The following KATNAL2 variants were observed in gnomAD, a reference collection of about 807,000 sequenced individuals.
KATNAL2 encodes katanin p60 ATPase-containing subunit A-like 2.
A neutral mutation model predicts 76.3 loss-of-function variants in KATNAL2; 52 were observed. The observed-to-expected ratio is 0.68, with a 90% confidence interval of 0.55 to 0.86. KATNAL2 has a LOEUF of 0.86. Among genes scored for constraint, KATNAL2 ranks in the 40% least tolerant of loss-of-function variants. KATNAL2 has a pLI of 0.00. For synonymous variants in KATNAL2, 243 were observed against 244.2 expected, an observed-to-expected ratio of 1.00 and a Z score of 0.05; for missense variants, 660 against 668.9, an observed-to-expected ratio of 0.99 and a Z score of 0.15.
At chr18:47,046,393 T>G in intron 3 of KATNAL2, 64 bp from the exon 4 acceptor site, 1 of 1,093,824 alleles carries the variant, frequency 9.1e-7, no homozygotes, top group Middle Eastern at 2.0e-4. Context: ...CCTTCCAGGG[T>G]TTATTGCCGT....
chr18:47,084,986 T>A (rs1435909645), intron 15 of KATNAL2, among the ~76,000 whole-genome samples: 1 of 150,880 alleles, frequency 6.6e-6, no homozygotes, highest in Non-Finnish European at 1.5e-5. Context: ...GCTCTGTAGG[T>A]CACCTTCAGG....
In KATNAL2 at chr18:47,066,847, TTATATATATATATATATATATATA is replaced by T. The variant is rs56018747; in HGVS notation, c.727-151_727-128del. Among the ~76,000 whole-genome samples the T allele has an allele frequency of 3.7e-3, 108 of 29,588 alleles. 5 individuals are homozygous for T. In the East Asian group the frequency reaches 0.05, roughly 14 times the overall value. The allele number at this position is 29,588 out of a possible 152,430, so 19.4% of individuals were successfully genotyped here. On this transcript the variant is annotated intron_variant, in intron 10 of 17. Transcript: ENST00000683218. Reference sequence around the variant, plus strand: ...CCAAAATTACAATGTATATATGTGTTTATATATATATATATATATATATATATATATATATATATATATATAATA... The same window carrying T: ...CCAAAATTACAATGTATATATGTGTTTATATATATATATATATATATAATA...
intron 15 of KATNAL2, among the ~76,000 whole-genome samples, chr18:47,081,890 C>G (rs749449632): frequency 2.6e-5 from 4 of 152,124 alleles, no homozygotes; most frequent in Non-Finnish European, 4.4e-5. Flanking sequence ...TTTGATTAGA[C>G]AGAGCTAGGA....
intron 6 of KATNAL2, among the ~76,000 whole-genome samples, chr18:47,056,889 A>G (rs1167922625): frequency 6.6e-6 from 1 of 152,132 alleles, no homozygotes; most frequent in Non-Finnish European, 1.5e-5. Context: ...CACTATTAAT[A>G]TAAGTTTGCA....
At chr18:46,954,745 G>C (rs138617792) in intron 3 of KATNAL2, among the ~76,000 whole-genome samples, 1 of 152,082 alleles carries the variant, frequency 6.6e-6, no homozygotes, top group African/African-American at 2.4e-5. Flanking sequence ...CTGGGTTCAA[G>C]CAATTCTCCC....
intron 3 of KATNAL2, among the ~76,000 whole-genome samples, chr18:47,032,389 T>A (rs2060509868): frequency 6.6e-6 from 1 of 152,210 alleles, no homozygotes; most frequent in Admixed American, 6.5e-5. Flanking sequence ...TGGGACCACA[T>A]GGACCGTGCC....
At chr18:47,087,752 CTGTGTGTGTGTG>C (rs35852657) in intron 15 of KATNAL2, among the ~76,000 whole-genome samples, 2 of 148,438 alleles carry the variant, frequency 1.3e-5, no homozygotes, top group African/African-American at 2.5e-5. Context: ...TCTTTTACAT[CTGTGTGTGTGTG>C]TGTGTGTGTG....
intron 6 of KATNAL2, among the ~76,000 whole-genome samples, chr18:47,057,018 A>C (rs1220317749): frequency 6.6e-6 from 1 of 151,958 alleles, no homozygotes; most frequent in Non-Finnish European, 1.5e-5. Flanking sequence ...AAGAACTGTT[A>C]GTGTCCACTT....
chr18:47,078,453 T>G (rs1258963246), intron 15 of KATNAL2, among the ~76,000 whole-genome samples: 2 of 152,188 alleles, frequency 1.3e-5, no homozygotes, highest in Non-Finnish European at 2.9e-5. Flanking sequence ...GATCAGCATT[T>G]TACAATTTGA....
chr18:47,031,679 A>G (rs933632577), intron 3 of KATNAL2, among the ~76,000 whole-genome samples: 3 of 152,048 alleles, frequency 2.0e-5, no homozygotes, highest in African/African-American at 4.8e-5. Context: ...GATCTTTTTC[A>G]TATTGGTCGT....
At chr18:46,961,431 A>C (rs1374277876) in intron 3 of KATNAL2, among the ~76,000 whole-genome samples, 1 of 152,228 alleles carries the variant, frequency 6.6e-6, no homozygotes, top group Non-Finnish European at 1.5e-5. Flanking sequence ...GATTCATGTA[A>C]TACACTTGTG....
At chr18:47,034,182 C>T (rs148463243) in intron 3 of KATNAL2, 135 of 1,614,168 alleles carry the variant, frequency 8.4e-5, no homozygotes, top group Non-Finnish European at 1.0e-4. Flanking sequence ...AGAGGGAGCT[C>T]ACGGACGTTC....
intron 3 of KATNAL2, among the ~76,000 whole-genome samples, chr18:46,955,201 T>C (rs1317026716): frequency 1.4e-5 from 2 of 142,660 alleles, no homozygotes; most frequent in Non-Finnish European, 3.1e-5. Context: ...CTCTTTTTCT[T>C]TCTCTCTCTC....
intron 1 of KATNAL2, among the ~76,000 whole-genome samples, chr18:46,918,995 G>GTA (rs376088999): frequency 0.32 from 46,760 of 147,182 alleles, 7,648 homozygotes; most frequent in Middle Eastern, 0.41. Context: ...GTGTGTGCGT[G>GTA]TATATATATA....
intron 15 of KATNAL2, among the ~76,000 whole-genome samples, chr18:47,078,236 C>G (rs1167264960): frequency 3.3e-5 from 5 of 152,130 alleles, no homozygotes; most frequent in Non-Finnish European, 5.9e-5. Context: ...CCTCATGCCC[C>G]TCACACCCAT....
chr18:47,034,746 C>G (rs941876142), intron 3 of KATNAL2: 58 of 1,612,790 alleles, frequency 3.6e-5, no homozygotes, highest in Non-Finnish European at 4.7e-5. Context: ...GAGCTGTGCG[C>G]GTTGGAGAGG....
chr18:47,069,436 G>A, intron 12 of KATNAL2, 46 bp from the exon 13 acceptor site: 1 of 1,456,716 alleles, frequency 6.9e-7, no homozygotes, highest in Non-Finnish European at 9.6e-7. Flanking sequence ...ATAAGCAGGG[G>A]GATGGAGTTG....
At chr18:47,075,394 T>C (rs760128359) in intron 14 of KATNAL2, 26 bp downstream of exon 14, 2 of 1,443,380 alleles carry the variant, frequency 1.4e-6, no homozygotes, top group South Asian at 3.2e-5. Context: ...GGGGTTTTTG[T>C]TGTTGTTGTT....
intron 1 of KATNAL2, among the ~76,000 whole-genome samples, chr18:46,924,912 C>T (rs983085248): frequency 1.9e-4 from 29 of 152,062 alleles, no homozygotes; most frequent in Non-Finnish European, 3.2e-4. Context: ...AGAATGCTTG[C>T]GATTTTTGTA....
Sources: allele counts gnomAD v4.1 joint callset (sites outside exome capture counted in the v4.1 genomes callset), GRCh38; gene constraint gnomAD v4.1.1; transcripts MANE v1.5; gene names NCBI Gene and HGNC (gene_info 2026-07-23, HGNC 2026-07-21).